The following TPRG1 variants were observed in gnomAD, a reference collection of about 807,000 sequenced individuals.
TPRG1 encodes tumor protein p63 regulated 1, also known as tumor protein p63-regulated gene 1 protein.
A neutral mutation model predicts 29.3 loss-of-function variants in TPRG1; 29 were observed. The ratio of observed to expected loss-of-function variants is 0.99; its 90% CI spans 0.74 to 1.35. The LOEUF (loss-of-function observed/expected upper bound fraction) is 1.35, where lower values mean the gene tolerates loss of function less well. Among genes scored for constraint, TPRG1 ranks in the 40% most tolerant of loss-of-function variants. The pLI, the probability that TPRG1 is intolerant of heterozygous loss-of-function variation, is 0.00. For synonymous variants in TPRG1, 130 were observed against 116.8 expected, an observed-to-expected ratio of 1.11 and a Z score of -0.73; for missense variants, 327 against 335.0, an observed-to-expected ratio of 0.98 and a Z score of 0.19.
chr3:189,293,878 G>A (rs975764857), intron 4 of TPRG1, among the ~76,000 whole-genome samples: 4 of 152,186 alleles, frequency 2.6e-5, no homozygotes, highest in Admixed American at 6.5e-5. Context: ...TCAAAGCCAC[G>A]GCCCAGTTCA....
chr3:189,200,956 TA>T (rs1733381258), intron 1 of TPRG1, among the ~76,000 whole-genome samples: 1 of 152,170 alleles, frequency 6.6e-6, no homozygotes, highest in Admixed American at 6.5e-5. Context: ...TAGTGCCTTA[TA>T]AAAAATCTGG....
chr3:189,137,203 A>G (rs1723856327), intron 3 of TPRG1, among the ~76,000 whole-genome samples: 1 of 152,136 alleles, frequency 6.6e-6, no homozygotes, highest in Non-Finnish European at 1.5e-5. Context: ...GAAAGAAAAT[A>G]ATGTCAATGA....
At chr3:189,199,615 C>T (rs185929901) in intron 1 of TPRG1, among the ~76,000 whole-genome samples, 6 of 152,124 alleles carry the variant, frequency 3.9e-5, no homozygotes, top group African/African-American at 1.2e-4. Context: ...CCGAGGCAGG[C>T]GAATCATGAG....
intron 4 of TPRG1, among the ~76,000 whole-genome samples, chr3:189,240,984 A>C (rs1391734295): frequency 1.3e-5 from 2 of 152,188 alleles, no homozygotes; most frequent in South Asian, 2.1e-4. Flanking sequence ...TCTTAAGCTT[A>C]ATCTATTTAG....
intron 3 of TPRG1, chr3:189,218,073 T>A (rs1246201244): frequency 2.1e-6 from 2 of 975,222 alleles, no homozygotes; most frequent in African/African-American, 1.8e-5. Flanking sequence ...ATAGGAGCTG[T>A]AATATGGACC....
chr3:189,166,226 C>T (rs1728148209), intron 5 of TPRG1, among the ~76,000 whole-genome samples: 1 of 152,206 alleles, frequency 6.6e-6, no homozygotes, highest in Non-Finnish European at 1.5e-5. Flanking sequence ...TAGATGAGTG[C>T]CATAGGATCT....
At chr3:189,236,935 C>A (rs1739569961) in intron 3 of TPRG1, among the ~76,000 whole-genome samples, 1 of 152,158 alleles carries the variant, frequency 6.6e-6, no homozygotes, top group South Asian at 2.1e-4. Flanking sequence ...TGACACAGGT[C>A]CCTTCCAGCA....
At chr3:189,122,173 G>A (rs62291249) in intron 1 of TPRG1, among the ~76,000 whole-genome samples, 1,911 of 151,966 alleles carry the variant, frequency 0.013, 18 homozygotes, top group Non-Finnish European at 0.021. Context: ...TCTCTCCGAC[G>A]TCTTTTCTGA....
Position 189,207,526 on chromosome 3 carries a change from AC to A in TPRG1, c.144del (p.Glu49AsnfsTer33), listed in dbSNP as rs1734582616. 1 of 1,614,050 alleles carries A rather than the reference AC, an allele frequency of 6.2e-7. No homozygotes were observed. Among genetic ancestry groups the A allele is most frequent in the Non-Finnish European group, 8.5e-7 (1 of 1,179,960 alleles). ...PRQISRQSSV[T>X]ESTLYPNPYH... ...ACAGATTTCAAGGCAGTCAAGTGTGACCGAATCAACTCTTTACCCCAATCCT... is the reference window on the plus strand; with the variant it reads ...ACAGATTTCAAGGCAGTCAAGTGTGACGAATCAACTCTTTACCCCAATCCT... On this transcript the variant is annotated frameshift_variant, in exon 2 of 6. Transcript: ENST00000345063. LOFTEE classifies it high-confidence loss of function.
chr3:189,053,574 C>G (rs1002099929), intron 4 of TPRG1, among the ~76,000 whole-genome samples: 9 of 152,126 alleles, frequency 5.9e-5, no homozygotes, highest in African/African-American at 1.9e-4. Context: ...GCTCCTTGCT[C>G]CTCCCTAATT....
intron 4 of TPRG1, among the ~76,000 whole-genome samples, chr3:189,265,059 G>T (rs777197237): frequency 1.3e-5 from 2 of 152,206 alleles, no homozygotes; most frequent in African/African-American, 4.8e-5. Flanking sequence ...AATTTGAAAT[G>T]TATGAATCTA....
intron 1 of TPRG1, among the ~76,000 whole-genome samples, chr3:189,199,785 C>T (rs1388068132): frequency 6.6e-6 from 1 of 152,090 alleles, no homozygotes; most frequent in Non-Finnish European, 1.5e-5. Flanking sequence ...AAGGCTGATC[C>T]AGGCGAATCT....
intron 4 of TPRG1, among the ~76,000 whole-genome samples, chr3:189,264,353 A>G (rs1713671338): frequency 6.6e-6 from 1 of 152,196 alleles, no homozygotes; most frequent in Admixed American, 6.5e-5. Context: ...CTATTTGTAC[A>G]TGTATTTTAT....
At chr3:189,319,197 C>T (rs563297565) in intron 5 of TPRG1, among the ~76,000 whole-genome samples, 1 of 152,262 alleles carries the variant, frequency 6.6e-6, no homozygotes, top group African/African-American at 2.4e-5. Context: ...TTCTTGACTT[C>T]TGGGTCTGTG....
intron 5 of TPRG1, among the ~76,000 whole-genome samples, chr3:189,319,073 A>T (rs1197563915): frequency 6.6e-6 from 1 of 152,118 alleles, no homozygotes; most frequent in East Asian, 1.9e-4. Context: ...GATCCCCTCT[A>T]CATTGCCCAC....
chr3:189,256,697 G>A (rs1479583006), intron 4 of TPRG1, among the ~76,000 whole-genome samples: 1 of 152,030 alleles, frequency 6.6e-6, no homozygotes, highest in Non-Finnish European at 1.5e-5. Context: ...TCCTGTATTG[G>A]GTGCATATAT....
chr3:189,041,440 T>A (rs1459112728), intron 4 of TPRG1, among the ~76,000 whole-genome samples: 1 of 152,214 alleles, frequency 6.6e-6, no homozygotes. Flanking sequence ...TTTGGGCAGA[T>A]TATTTAACAA....
At chr3:189,030,034 C>T (rs182270242) in intron 4 of TPRG1, among the ~76,000 whole-genome samples, 79 of 152,268 alleles carry the variant, frequency 5.2e-4, no homozygotes, top group African/African-American at 1.8e-3. Context: ...TATAGCAACA[C>T]GAAGACAAAC....
intron 1 of TPRG1, among the ~76,000 whole-genome samples, chr3:189,120,670 T>A (rs529241477): frequency 1.3e-5 from 2 of 152,344 alleles, no homozygotes; most frequent in Non-Finnish European, 2.9e-5. Context: ...AGAAAAGTAA[T>A]GTCTAGGATT....
Sources: gnomAD v4.1 joint callset for allele counts (sites outside exome capture counted in the v4.1 genomes callset) on GRCh38, gnomAD v4.1.1 for gene constraint, MANE v1.5 for transcripts, NCBI Gene and HGNC (gene_info 2026-07-23, HGNC 2026-07-21) for gene names.